CREB5: variants seen among roughly 807,000 people sequenced by gnomAD.
CREB5 encodes cAMP responsive element binding protein 5.
A neutral mutation model predicts 57.1 loss-of-function variants in CREB5; 19 were observed. The ratio of observed to expected loss-of-function variants is 0.33; its 90% CI spans 0.23 to 0.49. The LOEUF (loss-of-function observed/expected upper bound fraction) is 0.49. CREB5 is among the 20% of genes least tolerant of loss of function. The probability of loss-of-function intolerance (pLI) is 0.99; values close to 1 mark genes in which losing one functional copy is unlikely to be tolerated. For missense variants in CREB5, 579 were observed against 671.6 expected, an observed-to-expected ratio of 0.86 and a Z score of 1.52; for synonymous variants, 238 against 238.3, an observed-to-expected ratio of 1.00 and a Z score of 0.01.
At chr7:28,732,018 G>A (rs1231264244) in intron 7 of CREB5, among the ~76,000 whole-genome samples, 1 of 152,112 alleles carries the variant, frequency 6.6e-6, no homozygotes, top group Non-Finnish European at 1.5e-5. Context: ...CTTTGTGCCT[G>A]CATGGGTCTT....
chr7:28,381,285 T>G (rs905398086), intron 1 of CREB5, among the ~76,000 whole-genome samples: 3 of 152,226 alleles, frequency 2.0e-5, no homozygotes, highest in Non-Finnish European at 4.4e-5. Context: ...AGGGAGCCCA[T>G]GTATATTGAG....
At chr7:28,598,547 T>G (rs973444786) in intron 5 of CREB5, among the ~76,000 whole-genome samples, 1 of 152,146 alleles carries the variant, frequency 6.6e-6, no homozygotes, top group Non-Finnish European at 1.5e-5. Context: ...ATAGCAGCTT[T>G]TCATGATGCA....
At chr7:28,634,510 T>C (rs1314182028) in intron 5 of CREB5, among the ~76,000 whole-genome samples, 2 of 152,184 alleles carry the variant, frequency 1.3e-5, no homozygotes, top group African/African-American at 2.4e-5. Context: ...TGCCATTCAT[T>C]GCTCAAAAAC....
intron 1 of CREB5, among the ~76,000 whole-genome samples, chr7:28,443,467 A>G (rs2128561875): frequency 6.6e-6 from 1 of 152,342 alleles, no homozygotes; most frequent in African/African-American, 2.4e-5. Flanking sequence ...AACATATTTG[A>G]AAAAATTCCA....
At chr7:28,716,233 A>G (rs1191556701) in intron 5 of CREB5, among the ~76,000 whole-genome samples, 1 of 152,214 alleles carries the variant, frequency 6.6e-6, no homozygotes, top group East Asian at 1.9e-4. Flanking sequence ...AACACCTCAA[A>G]AAAATCCTAA....
rs150636632 is a variant in CREB5, at chr7:28,591,212, C to T, written c.464+20675C>T. ...ATGGCCAAAGGGCATCATGTTTCCT[C>T]TACACAGCTTCTGGGTCTTCCTTTG... On this transcript the variant is annotated intron_variant, in intron 5 of 10. Coordinates refer to ENST00000357727, the MANE Select transcript of CREB5 (RefSeq NM_182898.4). 2.3e-3 allele frequency among the ~76,000 whole-genome samples: 349 copies of T among 152,308 alleles called. 1 individual carries two copies. Among genetic ancestry groups the T allele is most frequent in the Middle Eastern group, 0.01 (3 of 294 alleles).
At chr7:28,608,395 T>C (rs935717625) in intron 5 of CREB5, among the ~76,000 whole-genome samples, 4 of 152,166 alleles carry the variant, frequency 2.6e-5, no homozygotes, top group Non-Finnish European at 5.9e-5. Context: ...TTCTGTTTTG[T>C]TTTGTTTTTA....
At chr7:28,395,514 GAA>G (rs1241701736) in intron 1 of CREB5, among the ~76,000 whole-genome samples, 1 of 152,180 alleles carries the variant, frequency 6.6e-6, no homozygotes, top group Non-Finnish European at 1.5e-5. Flanking sequence ...GGGTTGGTGT[GAA>G]ACCAGGTTCT....
chr7:28,499,765 T>A (rs1562758671), intron 3 of CREB5, among the ~76,000 whole-genome samples: 3 of 152,164 alleles, frequency 2.0e-5, no homozygotes, highest in Non-Finnish European at 4.4e-5. Flanking sequence ...GCATTTTTAG[T>A]AGAAATGGGG....
At chr7:28,616,596 C>G (rs1376183191) in intron 5 of CREB5, among the ~76,000 whole-genome samples, 1 of 152,102 alleles carries the variant, frequency 6.6e-6, no homozygotes, top group Non-Finnish European at 1.5e-5. Context: ...CCTCTGGCAC[C>G]TGTATGATGT....
At chr7:28,612,245 T>C (rs1797420567) in intron 5 of CREB5, among the ~76,000 whole-genome samples, 1 of 152,032 alleles carries the variant, frequency 6.6e-6, no homozygotes, top group African/African-American at 2.4e-5. Flanking sequence ...ATGTTCTGAA[T>C]AGTCTCCTAT....
intron 7 of CREB5, among the ~76,000 whole-genome samples, chr7:28,728,064 G>A (rs902575448): frequency 2.0e-5 from 3 of 152,140 alleles, no homozygotes; most frequent in African/African-American, 7.2e-5. Flanking sequence ...TTCCACCTCA[G>A]CCTCCTGAGT....
chr7:28,802,193 T>C lies in CREB5; in HGVS notation c.703-2006T>C, dbSNP rs1277820308. 2.6e-5 allele frequency among the ~76,000 whole-genome samples: 4 copies of C among 151,454 alleles called. No homozygotes were observed. The East Asian group carries it at 7.8e-4, about 29-fold the overall frequency. On this transcript the variant is annotated intron_variant, in intron 7 of 10. Transcript: ENST00000357727. ...GGATTATGAAGGTCAGTAGCTGTTGTGCAGTATCTGTTGCTCATGAAAGAG... is the reference window on the plus strand; with the variant it reads ...GGATTATGAAGGTCAGTAGCTGTTGCGCAGTATCTGTTGCTCATGAAAGAG...
intron 5 of CREB5, among the ~76,000 whole-genome samples, chr7:28,597,708 CT>C (rs922532890): frequency 1.3e-5 from 2 of 152,156 alleles, no homozygotes; most frequent in Admixed American, 1.3e-4. Context: ...CCTCCCCAGT[CT>C]CCTGACTTTG....
intron 1 of CREB5, among the ~76,000 whole-genome samples, chr7:28,393,799 G>A (rs929108699): frequency 1.3e-4 from 20 of 152,054 alleles, no homozygotes; most frequent in African/African-American, 4.3e-4. Flanking sequence ...TTGGGACTGG[G>A]CGCGGTGGCT....
chr7:28,300,936 C>T (rs1035427118), intron 1 of CREB5, among the ~76,000 whole-genome samples: 1 of 152,310 alleles, frequency 6.6e-6, no homozygotes, highest in African/African-American at 2.4e-5. Context: ...ACCCCTGACT[C>T]AGAGACTGGG....
intron 1 of CREB5, among the ~76,000 whole-genome samples, chr7:28,463,815 T>C (rs1790446624): frequency 6.6e-6 from 1 of 152,190 alleles, no homozygotes; most frequent in African/African-American, 2.4e-5. Context: ...GTTTCTTTTT[T>C]TAGTTGGATA....
rs58545065 is a variant in CREB5, at chr7:28,820,414, A to ATTTTTTTTT, written c.*1140_*1148dup. The stretch of plus-strand genomic sequence containing the variant: ...ATCAGCTGCTAATAGCCTAAGATTT[A>ATTTTTTTTT]TTTTTTTTTTTTTCTTAAGCCTATG... On this transcript the variant is annotated 3_prime_UTR_variant, in exon 11 of 11. Transcript: ENST00000357727. The ATTTTTTTTT allele has an allele frequency of 2.7e-5, 4 of 147,580 alleles. No homozygotes were observed. Among genetic ancestry groups the ATTTTTTTTT allele is most frequent in the Non-Finnish European group, 1.5e-5 (1 of 66,940 alleles). The allele number at this position is 147,580 out of a possible 1,614,324, so 9.1% of individuals were successfully genotyped here.
chr7:28,711,213 G>A (rs1163345089), intron 5 of CREB5, among the ~76,000 whole-genome samples: 2 of 152,098 alleles, frequency 1.3e-5, no homozygotes, highest in African/African-American at 2.4e-5. Context: ...TAGGGAAGAG[G>A]CAGAGAATAG....
Sources: gnomAD v4.1 joint callset for allele counts (sites outside exome capture counted in the v4.1 genomes callset) on GRCh38, gnomAD v4.1.1 for gene constraint, MANE v1.5 for transcripts, NCBI Gene and HGNC (gene_info 2026-07-23, HGNC 2026-07-21) for gene names.